ARID3B: variants seen among roughly 807,000 people sequenced by gnomAD.
ARID3B encodes the protein AT-rich interaction domain 3B, also known as AT-rich interactive domain-containing protein 3B.
A neutral mutation model predicts 51.9 loss-of-function variants in ARID3B; 10 were observed. That is an observed-to-expected ratio of 0.19 (90% CI 0.12 to 0.33). The LOEUF is 0.33. Ranked by LOEUF, ARID3B falls within the 10% of genes least tolerant of loss-of-function variation. The probability of loss-of-function intolerance (pLI) is 1.00; values close to 1 mark genes in which losing one functional copy is unlikely to be tolerated. For synonymous variants in ARID3B, 205 were observed against 279.5 expected (o/e 0.73, Z 2.66); for missense variants, 483 against 716.3 (o/e 0.67, Z 3.72).
At position 74,593,173 on chromosome 15, in the gene ARID3B, C is replaced by T. The variant is rs1193930586; in HGVS notation, c.1456C>T (p.Leu486=). The change falls in exon 8 of 9, where the codon CTG becomes TTG. Residue 486 remains leucine (L), a synonymous_variant. Coordinates refer to ENST00000346246, the MANE Select transcript of ARID3B (RefSeq NM_006465.4). Reference sequence around the variant, plus strand: ...AGAGGCCTCGGCTGCAGCACTGAACCTGACCACGAGTAGCATTGGGAGCAT... The same window carrying T: ...AGAGGCCTCGGCTGCAGCACTGAACTTGACCACGAGTAGCATTGGGAGCAT... ...RAEASAAALN[L]TTSSIGSINM... 2 of 1,613,818 alleles carry T rather than the reference C, an allele frequency of 1.2e-6. No homozygotes were observed. The highest frequency in any genetic ancestry group is 1.1e-5 in the South Asian group (1 of 91,084).
intron 4 of ARID3B, among the ~76,000 whole-genome samples, chr15:74,583,796 G>A (rs1257870510): frequency 6.6e-6 from 1 of 152,156 alleles, no homozygotes; most frequent in East Asian, 1.9e-4. Context: ...CTAGTGAGCT[G>A]TATGGTTAAG....
intron 4 of ARID3B, among the ~76,000 whole-genome samples, chr15:74,576,918 A>C (rs905992950): frequency 1.3e-5 from 2 of 152,200 alleles, no homozygotes; most frequent in African/African-American, 4.8e-5. Flanking sequence ...TTGATGGCCC[A>C]GAGCCAGGGG....
In ARID3B at chr15:74,591,645, G is replaced by A; in HGVS notation, c.1251G>A (p.Arg417=). The A allele has an allele frequency of 6.2e-7, 1 of 1,604,138 alleles. No individual in the cohort carries two copies. The highest frequency in any genetic ancestry group is 8.5e-7 in the Non-Finnish European group (1 of 1,175,328). Residue 417 remains arginine, a synonymous_variant, in exon 7 of 9, where the codon CGG becomes CGA. Transcript: ENST00000346246. This position sits in a 1 kb window ranked among gnomAD's most constrained non-coding sequence, Gnocchi z 5.8. ...TGGCAAGCCAGCAGGCTGGTACTCGGACCGCCGCACTGGAGCAGCTGCGGG... is the reference window on the plus strand; with the variant it reads ...TGGCAAGCCAGCAGGCTGGTACTCGAACCGCCGCACTGGAGCAGCTGCGGG... ...VTLASQQAGT[R]TAALEQLRER...
At chr15:74,587,458 G>C (rs2061785635) in intron 4 of ARID3B, among the ~76,000 whole-genome samples, 1 of 152,220 alleles carries the variant, frequency 6.6e-6, no homozygotes, top group Non-Finnish European at 1.5e-5. Context: ...GGGAAAAAAT[G>C]AGGTGTGGGG....
At chr15:74,546,106 A>G (rs1333926303) in intron 2 of ARID3B, among the ~76,000 whole-genome samples, 1 of 137,270 alleles carries the variant, frequency 7.3e-6, no homozygotes, top group Non-Finnish European at 1.5e-5. Context: ...AGAGGTTTTC[A>G]CTCATCACCC....
At chr15:74,584,452 A>G (rs528868818) in intron 4 of ARID3B, among the ~76,000 whole-genome samples, 2 of 152,276 alleles carry the variant, frequency 1.3e-5, no homozygotes, top group South Asian at 2.1e-4. Context: ...AGCCTGGAAA[A>G]AGCAGCAAGG....
chr15:74,541,724 G>C (rs2061596134), intron 1 of ARID3B, among the ~76,000 whole-genome samples: 1 of 152,038 alleles, frequency 6.6e-6, no homozygotes, highest in Admixed American at 6.5e-5. Flanking sequence ...AAGGTGGGCT[G>C]TGGGGCTTAC....
Position 74,591,018 on chromosome 15 carries a change from G to T in ARID3B, c.882-133G>T. 4.3e-6 allele frequency: 6 copies of T among 1,389,484 alleles called. No individual in the cohort carries two copies. The highest frequency in any genetic ancestry group is 1.5e-5 in the South Asian group (1 of 67,086). 86.1% of individuals were successfully genotyped at this position (1,389,484 alleles called of 1,614,324 possible). On this transcript the variant is annotated intron_variant, in intron 5 of 8. Coordinates refer to ENST00000346246, the MANE Select transcript of ARID3B (RefSeq NM_006465.4). The surrounding 1 kb of genome is among the most constrained non-coding windows in gnomAD (Gnocchi z 5.8). The stretch of plus-strand genomic sequence containing the variant: ...CGGCCATCCCAGACTTTTCTGCCAA[G>T]TATACCAAGGTTGCAATCCTTTGCC...
intron 2 of ARID3B, among the ~76,000 whole-genome samples, chr15:74,556,213 T>C (rs1407282345): frequency 2.6e-5 from 4 of 152,196 alleles, no homozygotes; most frequent in African/African-American, 7.2e-5. Context: ...AGGTTACTAA[T>C]TGGCCTAATT....
At chr15:74,559,801 TAC>T (rs2061672188) in intron 2 of ARID3B, among the ~76,000 whole-genome samples, 1 of 151,766 alleles carries the variant, frequency 6.6e-6, no homozygotes, top group East Asian at 1.9e-4. Flanking sequence ...AAGAAGAAAA[TAC>T]AATCACTACA....
rs749899748 is a variant in ARID3B, at chr15:74,589,805, G to A, written c.698-15G>A. 2.8e-5 allele frequency: 45 copies of A among 1,591,962 alleles called. No homozygotes were observed. The highest frequency in any genetic ancestry group is 1.9e-4 in the Middle Eastern group (1 of 5,384). ...GATGATCCCGCTGTCTCTTTCTCTCGTTGGACAACCACAGGGACCCCCATC... is the reference window on the plus strand; with the variant it reads ...GATGATCCCGCTGTCTCTTTCTCTCATTGGACAACCACAGGGACCCCCATC... On this transcript the variant is annotated splice_polypyrimidine_tract_variant and intron_variant, in intron 4 of 8. Transcript: ENST00000346246.
intron 2 of ARID3B, among the ~76,000 whole-genome samples, chr15:74,555,937 G>GC (rs1480316141): frequency 6.6e-6 from 1 of 151,396 alleles, no homozygotes; most frequent in Non-Finnish European, 1.5e-5. Flanking sequence ...GACTACAGGC[G>GC]CCCACCAGCA....
At chr15:74,576,670 A>C (rs2061739049) in intron 4 of ARID3B, among the ~76,000 whole-genome samples, 1 of 152,124 alleles carries the variant, frequency 6.6e-6, no homozygotes, top group Admixed American at 6.6e-5. Context: ...AAAAAAAAAA[A>C]AACTTTTTAT....
In ARID3B at chr15:74,591,087, C is replaced by T; in HGVS notation, c.882-64C>T. The T allele has an allele frequency of 6.5e-7, 1 of 1,528,352 alleles. No homozygotes were observed. Among genetic ancestry groups the T allele is most frequent in the South Asian group, 1.3e-5 (1 of 77,108 alleles). 94.7% of individuals were successfully genotyped at this position (1,528,352 alleles called of 1,614,324 possible). On this transcript the variant is annotated intron_variant, in intron 5 of 8. Coordinates refer to ENST00000346246, the MANE Select transcript of ARID3B (RefSeq NM_006465.4). The surrounding 1 kb of genome is among the most constrained non-coding windows in gnomAD (Gnocchi z 5.8). Reference sequence around the variant, plus strand: ...GAGACTGCTTCCAGAGACCCACCAACCTCAACTGGGTGGTCTCTGGTGCTG... The same window carrying T: ...GAGACTGCTTCCAGAGACCCACCAATCTCAACTGGGTGGTCTCTGGTGCTG...
In ARID3B at chr15:74,544,008, G is replaced by A; in HGVS notation, c.72G>A (p.Gln24=). 1 of 1,611,380 alleles carries A rather than the reference G, an allele frequency of 6.2e-7. No individual in the cohort carries two copies. Among genetic ancestry groups the A allele is most frequent in the Non-Finnish European group, 8.5e-7 (1 of 1,178,896 alleles). ...AGCAGCCACACCTGGCTCCTCTGCAGATGGATGCCAGAGAGAAGCAGGGCC... is the reference window on the plus strand; with the variant it reads ...AGCAGCCACACCTGGCTCCTCTGCAAATGGATGCCAGAGAGAAGCAGGGCC... ...QQKQPHLAPL[Q]MDAREKQGQQ... Residue 24 remains glutamine (Q), a synonymous_variant, in exon 2 of 9, where the codon CAG becomes CAA. Coordinates refer to ENST00000346246, the MANE Select transcript of ARID3B (RefSeq NM_006465.4).
chr15:74,554,455 A>C (rs903603446), intron 2 of ARID3B, among the ~76,000 whole-genome samples: 1 of 152,018 alleles, frequency 6.6e-6, no homozygotes, highest in Non-Finnish European at 1.5e-5. Context: ...AGCATGCGCT[A>C]CCACACTCGG....
At chr15:74,545,057 T>C (rs2061610420) in intron 2 of ARID3B, among the ~76,000 whole-genome samples, 1 of 152,234 alleles carries the variant, frequency 6.6e-6, no homozygotes, top group African/African-American at 2.4e-5. Context: ...ATCTTCTTTT[T>C]TAAAGGAAGG....
Position 74,596,000 on chromosome 15 carries a change from T to G in ARID3B, c.*226T>G. ...CAGACAGCGTTGTCCAATCAGGGAT[T>G]GTCCTGGAGAACTGGGTGGGGGTCT... is the stretch of plus-strand genomic sequence containing the variant. On this transcript the variant is annotated 3_prime_UTR_variant, in exon 9 of 9. Transcript: ENST00000346246. 1.9e-6 allele frequency: 1 copy of G among 520,310 alleles called. No homozygotes were observed. Among genetic ancestry groups the G allele is most frequent in the Middle Eastern group, 4.9e-4 (1 of 2,060 alleles). The allele number at this position is 520,310 out of a possible 1,614,324, so 32.2% of individuals were successfully genotyped here.
At chr15:74,566,456 A>T (rs2141460634) in intron 2 of ARID3B, among the ~76,000 whole-genome samples, 1 of 152,138 alleles carries the variant, frequency 6.6e-6, no homozygotes, top group East Asian at 1.9e-4. Context: ...TACAAAAATT[A>T]GCTGGGCATG....
Sources: gnomAD v4.1 joint callset for allele counts (sites outside exome capture counted in the v4.1 genomes callset) on GRCh38, gnomAD v4.1.1 for gene constraint, Gnocchi (gnomAD v3.1) non-coding constraint, MANE v1.5 for transcripts, NCBI Gene and HGNC (gene_info 2026-07-23, HGNC 2026-07-21) for gene names.